The following OR51B5 variants were observed in gnomAD, a reference collection of about 807,000 sequenced individuals.
OR51B5 encodes olfactory receptor family 51 subfamily B member 5, also known as olfactory receptor 51B5.
For missense variants in OR51B5, 456 were observed against 374.6 expected (o/e 1.22, Z -1.79); for synonymous variants, 186 against 144.8 (o/e 1.28, Z -2.04).
At chr11:5,464,584 A>G (rs903581466) in intron 1 of OR51B5, among the ~76,000 whole-genome samples, 39 of 151,700 alleles carry the variant, frequency 2.6e-4, no homozygotes, top group South Asian at 1.3e-3. Context: ...ATGATTTCCA[A>G]TTTCATCCAT....
At chr11:5,470,556 C>A (rs997509615) in intron 1 of OR51B5, among the ~76,000 whole-genome samples, 1 of 152,194 alleles carries the variant, frequency 6.6e-6, no homozygotes, top group Non-Finnish European at 1.5e-5. Flanking sequence ...CAGCCAATTT[C>A]CAACTGGACT....
At chr11:5,460,202 A>G (rs1316315143) in intron 1 of OR51B5, among the ~76,000 whole-genome samples, 21 of 152,228 alleles carry the variant, frequency 1.4e-4, no homozygotes, top group Admixed American at 1.3e-3. Context: ...AAACACATGG[A>G]CACAGAGAAG....
At chr11:5,453,922 G>A (rs763683056) in intron 1 of OR51B5, 1 of 1,614,106 alleles carries the variant, frequency 6.2e-7, no homozygotes, top group East Asian at 2.2e-5. Context: ...GCTGCAATGG[G>A]TTTAGGTGCA....
chr11:5,408,346 TCCTCCCTTCCTCCCTTCCTCCCTC>T (rs1428703782), intron 1 of OR51B5, among the ~76,000 whole-genome samples: 1 of 45,120 alleles, frequency 2.2e-5, no homozygotes, highest in Non-Finnish European at 4.1e-5. Flanking sequence ...TTCCTTCCCT[TCCTCCCTTCCTCCCTTCCTCCCTC>T]CCTCCCTCCC....
chr11:5,383,317 T>C (rs79875598), intron 1 of OR51B5, among the ~76,000 whole-genome samples: 5,535 of 152,152 alleles, frequency 0.036, 341 homozygotes, highest in African/African-American at 0.13. Context: ...CTGGCAGAGA[T>C]GGAGGGCAAT....
At chr11:5,450,691 G>T (rs926447322) in intron 1 of OR51B5, among the ~76,000 whole-genome samples, 1 of 152,144 alleles carries the variant, frequency 6.6e-6, no homozygotes, top group Admixed American at 6.5e-5. Context: ...TGAAATCTTT[G>T]TTCAGAAATG....
At position 5,471,626 on chromosome 11, in the gene OR51B5, ACT is replaced by A. The variant is rs538486385; in HGVS notation, n.84+33941_84+33942del. On this transcript the variant is annotated intron_variant and non_coding_transcript_variant, in intron 1 of 4. Transcript: ENST00000415970. The stretch of plus-strand genomic sequence containing the variant: ...ACTCCAGCCTGGGTGACAGAGCAAG[ACT>A]CTGTCTCAAAAAAAAAAAAAAAATT... 1.6e-3 allele frequency among the ~76,000 whole-genome samples: 210 copies of A among 129,052 alleles called. 2 individuals carry two copies. Among genetic ancestry groups the A allele is most frequent in the African/African-American group, 5.3e-3 (181 of 34,322 alleles). The allele number at this position is 129,052 out of a possible 152,430, so 84.7% of individuals were successfully genotyped here.
At chr11:5,451,613 A>G (rs1160657592) in intron 1 of OR51B5, among the ~76,000 whole-genome samples, 1 of 152,140 alleles carries the variant, frequency 6.6e-6, no homozygotes, top group African/African-American at 2.4e-5. Context: ...GATATTTTAA[A>G]AATGCTTCCT....
At chr11:5,362,596 C>A in intron 1 of OR51B5, 1 of 149,288 alleles carries the variant, frequency 6.7e-6, no homozygotes. Flanking sequence ...AGAGTGGTGG[C>A]TTAGCCTGCT....
intron 1 of OR51B5, among the ~76,000 whole-genome samples, chr11:5,370,586 G>C (rs1849432587): frequency 1.3e-5 from 2 of 152,034 alleles, no homozygotes; most frequent in Non-Finnish European, 2.9e-5. Context: ...ATGAATAATA[G>C]AATAACTAAA....
chr11:5,389,410 A>G, intron 1 of OR51B5: 1 of 1,612,846 alleles, frequency 6.2e-7, no homozygotes, highest in African/African-American at 1.3e-5. Flanking sequence ...TGTCAGTCCA[A>G]TATTCGCTCA....
intron 1 of OR51B5, chr11:5,422,152 T>C: frequency 7.4e-7 from 1 of 1,360,226 alleles, no homozygotes; most frequent in Admixed American, 2.1e-5. Flanking sequence ...CTAATGTTTC[T>C]TTTTCTCCCT....
chr11:5,351,129 T>C (rs1378265342), intron 1 of OR51B5, among the ~76,000 whole-genome samples: 2 of 152,194 alleles, frequency 1.3e-5, no homozygotes, highest in African/African-American at 4.8e-5. Context: ...AAGAGCACCA[T>C]GAAAAGTGAC....
At chr11:5,371,505 A>G (rs184291096) in intron 1 of OR51B5, among the ~76,000 whole-genome samples, 1 of 152,252 alleles carries the variant, frequency 6.6e-6, no homozygotes, top group East Asian at 1.9e-4. Flanking sequence ...AAAAATAGAG[A>G]AAAACATATA....
intron 1 of OR51B5, among the ~76,000 whole-genome samples, chr11:5,384,462 C>A (rs543639992): frequency 1.3e-5 from 2 of 152,284 alleles, no homozygotes; most frequent in East Asian, 3.9e-4. Context: ...GAAAACAGGA[C>A]CTTCTCTTGC....
In OR51B5 at chr11:5,453,669, T is replaced by TAC. The variant is rs780173605; in HGVS notation, n.84+51898_84+51899dup. ...GCCCAGCCTCCATGAGCCCATGTAC[T>TAC]ACTTCCTGTCCATGTTGTCCTTCAG... On this transcript the variant is annotated intron_variant and non_coding_transcript_variant, in intron 1 of 4. Coordinates refer to the OR51B5 transcript ENST00000415970. The TAC allele has an allele frequency of 9.3e-6, 15 of 1,613,362 alleles. No homozygotes were observed. The Admixed American group carries it at 2.5e-4, about 27-fold the overall frequency.
intron 1 of OR51B5, among the ~76,000 whole-genome samples, chr11:5,371,965 T>C (rs184808358): frequency 2.0e-5 from 3 of 152,298 alleles, no homozygotes; most frequent in African/African-American, 7.2e-5. Flanking sequence ...ATTTTTCTTT[T>C]GAGATTCCAC....
chr11:5,445,241 C>A (rs1004239189), intron 1 of OR51B5, among the ~76,000 whole-genome samples: 1 of 152,104 alleles, frequency 6.6e-6, no homozygotes. Context: ...AAATACATTT[C>A]CCTGCTTAAA....
rs183156889 is a variant in OR51B5 at position 5,476,330 on chromosome 11, T to C, written n.84+29239A>G. 1.0e-3 allele frequency among the ~76,000 whole-genome samples: 156 copies of C among 152,332 alleles called. 1 individual carries two copies. Among genetic ancestry groups the C allele is most frequent in the African/African-American group, 3.6e-3 (148 of 41,578 alleles). ...GAGCCACTGTGAGTTAAATAACTTA[T>C]CTATAGTCACAAATCACACAAGTGA... On this transcript the variant is annotated intron_variant and non_coding_transcript_variant, in intron 1 of 4. Transcript: ENST00000415970.
Sources: allele counts gnomAD v4.1 joint callset (sites outside exome capture counted in the v4.1 genomes callset), GRCh38; gene constraint gnomAD v4.1.1; transcripts MANE v1.5; gene names NCBI Gene and HGNC (gene_info 2026-07-23, HGNC 2026-07-21).